Variants in RAP1B observed in about 807,000 individuals in gnomAD.
RAP1B encodes the protein RAP1B, member of RAS oncogene family.
In RAP1B, 1 loss-of-function variant was observed where a neutral mutation model predicts 27.5. That is an observed-to-expected ratio of 0.04 (90% confidence interval 0.01 to 0.17). The LOEUF is 0.17. Among genes scored for constraint, RAP1B ranks in the 10% least tolerant of loss-of-function variants. The probability of loss-of-function intolerance (pLI) is 1.00; values close to 1 mark genes in which losing one functional copy is unlikely to be tolerated. For synonymous variants in RAP1B, 75 were observed against 73.1 expected (o/e 1.03, Z -0.13); for missense variants, 84 against 214.8 (o/e 0.39, Z 3.81).
chr12:68,615,838 A>C (rs1870950805), intron 1 of RAP1B, among the ~76,000 whole-genome samples: 1 of 152,144 alleles, frequency 6.6e-6, no homozygotes, highest in Non-Finnish European at 1.5e-5. Flanking sequence ...TTTAAATTTT[A>C]GCTGAATTCT....
chr12:68,665,223 A>G lies in RAP1B; in HGVS notation c.*5974A>G, dbSNP rs1314543856. The G allele has an allele frequency of 2.0e-5, 3 of 152,280 alleles. No individual in the cohort carries two copies. The highest frequency in any genetic ancestry group is 7.2e-5 in the African/African-American group (3 of 41,478). 9.4% of individuals were successfully genotyped at this position (152,280 alleles called of 1,614,324 possible). A position where few individuals can be genotyped will look rare whatever the true frequency, so the allele number is the denominator to read the frequency against. On this transcript the variant is annotated 3_prime_UTR_variant, in exon 8 of 8. Coordinates refer to ENST00000250559, the MANE Select transcript of RAP1B (RefSeq NM_001010942.3). ...GACCTCTACTGTTCTAAATGAGACTAATAGTAAATGTTACATAACTAAAGC... is the reference window on the plus strand; with the variant it reads ...GACCTCTACTGTTCTAAATGAGACTGATAGTAAATGTTACATAACTAAAGC...
chr12:68,639,016 A>G (rs1872814876), intron 1 of RAP1B, among the ~76,000 whole-genome samples: 1 of 152,198 alleles, frequency 6.6e-6, no homozygotes, highest in African/African-American at 2.4e-5. Context: ...GGTACATGTA[A>G]CATTATTATA....
intron 2 of RAP1B, 145 bp from the exon 3 acceptor site, chr12:68,650,255 T>C: frequency 1.6e-6 from 1 of 640,452 alleles, no homozygotes; most frequent in East Asian, 3.7e-5. Context: ...TCTTACCAAA[T>C]GTACACATTC....
At chr12:68,619,296 GTATT>G (rs945740220) in intron 1 of RAP1B, among the ~76,000 whole-genome samples, 8 of 152,140 alleles carry the variant, frequency 5.3e-5, no homozygotes, top group African/African-American at 1.9e-4. Flanking sequence ...AATAGTGGTA[GTATT>G]TATGGTCGAT....
intron 1 of RAP1B, among the ~76,000 whole-genome samples, chr12:68,612,005 T>C (rs1410571093): frequency 6.6e-6 from 1 of 152,140 alleles, no homozygotes; most frequent in Non-Finnish European, 1.5e-5. Flanking sequence ...CCTCTCCCAC[T>C]CTCTTTAATA....
chr12:68,639,724 A>G (rs986136547), intron 1 of RAP1B, among the ~76,000 whole-genome samples: 2 of 152,206 alleles, frequency 1.3e-5, no homozygotes. Flanking sequence ...GACCAACTAC[A>G]TTTAGACTTC....
chr12:68,646,474 T>C lies in RAP1B; in HGVS notation c.-26-2225T>C, dbSNP rs1409160777. The stretch of plus-strand genomic sequence containing the variant: ...CCATGCCCAGCTAATTTTTGTACTT[T>C]TAGTAGAAACGGGGTTTCACCATAT... On this transcript the variant is annotated intron_variant, in intron 1 of 7. Coordinates refer to ENST00000250559, the MANE Select transcript of RAP1B (RefSeq NM_001010942.3). Among the ~76,000 whole-genome samples the C allele has an allele frequency of 2.6e-5, 4 of 152,162 alleles. 1 individual carries two copies. Among genetic ancestry groups the C allele is most frequent in the African/African-American group, 9.7e-5 (4 of 41,426 alleles).
chr12:68,625,697 G>C (rs1455962039), intron 1 of RAP1B, among the ~76,000 whole-genome samples: 1 of 152,156 alleles, frequency 6.6e-6, no homozygotes, highest in Non-Finnish European at 1.5e-5. Context: ...GAGGCGGGTG[G>C]ATCATGAGGT....
At chr12:68,630,793 C>G (rs1469124454) in intron 1 of RAP1B, among the ~76,000 whole-genome samples, 1 of 152,052 alleles carries the variant, frequency 6.6e-6, no homozygotes, top group Non-Finnish European at 1.5e-5. Flanking sequence ...ATCCTTTCAC[C>G]TCCCATCCTC....
At chr12:68,651,762 C>T in intron 3 of RAP1B, 2 of 461,396 alleles carry the variant, frequency 4.3e-6, no homozygotes, top group Non-Finnish European at 7.9e-6. Flanking sequence ...TGTAGGTTTC[C>T]CTGTGTTGAC....
chr12:68,647,227 CT>C (rs1327085146), intron 1 of RAP1B, among the ~76,000 whole-genome samples: 1 of 151,814 alleles, frequency 6.6e-6, no homozygotes, highest in African/African-American at 2.4e-5. Context: ...TAATTTTTGT[CT>C]TTTTTTGTAG....
At chr12:68,647,300 C>T (rs563147037) in intron 1 of RAP1B, among the ~76,000 whole-genome samples, 4 of 146,512 alleles carry the variant, frequency 2.7e-5, no homozygotes, top group South Asian at 2.4e-4. Flanking sequence ...TTTGGGAGGC[C>T]GAGGCAGGTG....
At chr12:68,615,664 C>T (rs2135908844) in intron 1 of RAP1B, among the ~76,000 whole-genome samples, 1 of 152,066 alleles carries the variant, frequency 6.6e-6, no homozygotes, top group East Asian at 1.9e-4. Flanking sequence ...ATCTGTCTCT[C>T]TGACCATAGA....
chr12:68,644,937 G>A (rs1873296597), intron 1 of RAP1B, among the ~76,000 whole-genome samples: 1 of 151,998 alleles, frequency 6.6e-6, no homozygotes, highest in Admixed American at 6.6e-5. Context: ...CTGGTCCAGT[G>A]ATCCAACCGC....
At position 68,662,034 on chromosome 12, in the gene RAP1B, T is replaced by TATATATATATATATATATATATAAA. The variant is rs1565677504; in HGVS notation, c.*2792_*2793insTATATATATATATATAAAATATATA. On this transcript the variant is annotated 3_prime_UTR_variant, in exon 8 of 8. Transcript: ENST00000250559. ...TATATATATATATATATATATATAT[T>TATATATATATATATATATATATAAA]ATATATAGTACATATATAGAGAGAG... 1 of 127,800 alleles carries TATATATATATATATATATATATAAA rather than the reference T, an allele frequency of 7.8e-6. No homozygotes were observed. Among genetic ancestry groups the TATATATATATATATATATATATAAA allele is most frequent in the African/African-American group, 2.8e-5 (1 of 36,180 alleles). 7.9% of individuals were successfully genotyped at this position (127,800 alleles called of 1,614,324 possible).
chr12:68,644,702 T>TC (rs1873269342), intron 1 of RAP1B, among the ~76,000 whole-genome samples: 1 of 140,948 alleles, frequency 7.1e-6, no homozygotes, highest in South Asian at 2.4e-4. Context: ...TTTTTTTTTT[T>TC]TTTTGAGATG....
intron 1 of RAP1B, among the ~76,000 whole-genome samples, chr12:68,645,895 A>G (rs1332491175): frequency 6.6e-6 from 1 of 152,244 alleles, no homozygotes; most frequent in East Asian, 1.9e-4. Context: ...CCAAACTGGA[A>G]ATCAGCTGGT....
At chr12:68,612,119 C>T (rs1208295336) in intron 1 of RAP1B, among the ~76,000 whole-genome samples, 1 of 152,176 alleles carries the variant, frequency 6.6e-6, no homozygotes, top group Admixed American at 6.5e-5. Flanking sequence ...AGAAAGTTGA[C>T]ACTAAATGAA....
intron 1 of RAP1B, among the ~76,000 whole-genome samples, chr12:68,619,054 C>T (rs1018520929): frequency 6.6e-6 from 1 of 152,070 alleles, no homozygotes; most frequent in Non-Finnish European, 1.5e-5. Context: ...TAGCTGTGAT[C>T]GTGCCACTGC....
Sources: gnomAD v4.1 joint callset for allele counts (sites outside exome capture counted in the v4.1 genomes callset) on GRCh38, gnomAD v4.1.1 for gene constraint, MANE v1.5 for transcripts, NCBI Gene and HGNC (gene_info 2026-07-23, HGNC 2026-07-21) for gene names.